Variants in MGA observed in about 807,000 individuals in gnomAD.
MGA encodes the protein MAX gene-associated protein.
In MGA, 40 loss-of-function variants were observed where a neutral mutation model predicts 261.1. The ratio of observed to expected loss-of-function variants is 0.15; its 90% CI spans 0.12 to 0.20. The LOEUF is 0.20. MGA is among the 10% of genes least tolerant of loss of function. MGA has a pLI of 1.00. For synonymous variants in MGA, 1,302 were observed against 1,290.6 expected, an observed-to-expected ratio of 1.01 and a Z score of -0.19; for missense variants, 3,397 against 3,630.5, an observed-to-expected ratio of 0.94 and a Z score of 1.65.
intron 1 of MGA, among the ~76,000 whole-genome samples, chr15:41,644,737 G>GT (rs2056901190): frequency 6.6e-6 from 1 of 152,148 alleles, no homozygotes; most frequent in African/African-American, 2.4e-5. Flanking sequence ...TAAAGTTGGA[G>GT]TATATACCAT....
chr15:41,742,447 A>G, intron 14 of MGA, 99 bp from the exon 15 acceptor site: 1 of 1,397,228 alleles, frequency 7.2e-7, no homozygotes, highest in Non-Finnish European at 9.7e-7. Flanking sequence ...CCTGTAAGAA[A>G]TTGACCCAGT....
intron 1 of MGA, among the ~76,000 whole-genome samples, chr15:41,625,260 T>C (rs2056420488): frequency 6.6e-6 from 1 of 152,108 alleles, no homozygotes; most frequent in Non-Finnish European, 1.5e-5. Flanking sequence ...GGCAGAAACA[T>C]GATAAAGTTA....
chr15:41,673,915 G>A (rs1239387202), intron 2 of MGA, among the ~76,000 whole-genome samples: 3 of 151,936 alleles, frequency 2.0e-5, no homozygotes, highest in South Asian at 2.1e-4. Flanking sequence ...GTTTTGAGAC[G>A]GAGTCTTGCT....
intron 1 of MGA, among the ~76,000 whole-genome samples, chr15:41,636,180 C>T (rs912426993): frequency 7.2e-5 from 11 of 152,040 alleles, no homozygotes; most frequent in African/African-American, 2.7e-4. Context: ...ACTCTGTCAC[C>T]CAGGCTGGAG....
intron 5 of MGA, among the ~76,000 whole-genome samples, chr15:41,706,861 A>G (rs116268152): frequency 1.1e-4 from 17 of 152,280 alleles, no homozygotes; most frequent in African/African-American, 2.4e-5. Context: ...AGTGTGAGCC[A>G]CCAGCTCCGG....
In MGA at chr15:41,736,616, C is replaced by G; in HGVS notation, c.4352C>G (p.Pro1451Arg). The G allele has an allele frequency of 1.2e-6, 2 of 1,613,948 alleles. No individual in the cohort carries two copies. The highest frequency in any genetic ancestry group is 1.7e-6 in the Non-Finnish European group (2 of 1,179,882). Residue 1451 changes from proline to arginine, a missense_variant, in exon 13 of 24, where the codon CCT becomes CGT. Pro to Arg is a moderately radical substitution (Grantham distance 103). Around this residue, in one of 9 missense-constraint regions of MGA, gnomAD observed 1,410 missense variants for 1,386.4 expected, o/e 1.02. Transcript: ENST00000219905. Reference sequence around the variant, plus strand: ...AGATTACATGGAGGCAAAGGTCTGCCTTTTTATGCAGGGCTTTCTCCTGCA... The same window carrying G: ...AGATTACATGGAGGCAAAGGTCTGCGTTTTTATGCAGGGCTTTCTCCTGCA...
Position 41,668,126 on chromosome 15 carries a change from C to CT in MGA, c.-67-689dup, listed in dbSNP as rs557928089. 4.8e-3 allele frequency among the ~76,000 whole-genome samples: 681 copies of CT among 142,032 alleles called. 2 individuals carry two copies. Among genetic ancestry groups the CT allele is most frequent in the Middle Eastern group, 0.011 (3 of 282 alleles). 93.2% of individuals were successfully genotyped at this position (142,032 alleles called of 152,430 possible). On this transcript the variant is annotated intron_variant, in intron 1 of 23. Transcript: ENST00000219905. ...GCATCATATAGTATTAAATTTATCACTTTTTTTTTTTTTGGCCTTACTGGT... is the reference window on the plus strand; with the variant it reads ...GCATCATATAGTATTAAATTTATCACTTTTTTTTTTTTTTGGCCTTACTGGT...
At position 41,707,572 on chromosome 15, in the gene MGA, A is replaced by G. The variant is rs376005042; in HGVS notation, c.2189-156A>G. On this transcript the variant is annotated intron_variant, in intron 5 of 23. Coordinates refer to ENST00000219905, the MANE Select transcript of MGA (RefSeq NM_001164273.2). ...GGGGCCACCTTAAATTGAATCTGCTACAGTTTGTTTTTTTCATTGTTTTTG... is the reference window on the plus strand; with the variant it reads ...GGGGCCACCTTAAATTGAATCTGCTGCAGTTTGTTTTTTTCATTGTTTTTG... Among the ~76,000 whole-genome samples, 70 of 152,268 alleles carry G rather than the reference A, an allele frequency of 4.6e-4. No individual in the cohort carries two copies. In the South Asian group the frequency reaches 0.011, roughly 23 times the overall value.
At chr15:41,720,889 C>T (rs2060902827) in intron 9 of MGA, among the ~76,000 whole-genome samples, 1 of 152,026 alleles carries the variant, frequency 6.6e-6, no homozygotes, top group African/African-American at 2.4e-5. Context: ...CTTGATTTGA[C>T]AGAAGTGGCG....
intron 3 of MGA, among the ~76,000 whole-genome samples, chr15:41,697,881 T>C (rs1292720961): frequency 2.0e-5 from 3 of 152,154 alleles, no homozygotes; most frequent in South Asian, 2.1e-4. Context: ...TTTTTATTTA[T>C]TTTTTGAGAT....
In MGA at chr15:41,764,326, T is replaced by C. The variant is rs2152031905; in HGVS notation, c.7745-560T>C. The stretch of plus-strand genomic sequence containing the variant: ...TAGAGTGCGGTGGCGCAATCTAGGC[T>C]CACTGCCAGCTCCGCCTCCCAGGTT... On this transcript the variant is annotated intron_variant, in intron 22 of 23. Transcript: ENST00000219905. Among the ~76,000 whole-genome samples the C allele has an allele frequency of 2.0e-5, 3 of 147,068 alleles. No homozygotes were observed. The South Asian group carries it at 6.5e-4, about 32-fold the overall frequency.
At chr15:41,659,271 C>G (rs1050683043), upstream of MGA, among the ~76,000 whole-genome samples, 2 of 152,146 alleles carry the variant, frequency 1.3e-5, no homozygotes, top group African/African-American at 4.8e-5. Context: ...ATATGACCTT[C>G]CTAAGTAAAA....
chr15:41,683,867 C>T (rs1199046241), intron 2 of MGA, among the ~76,000 whole-genome samples: 1 of 152,086 alleles, frequency 6.6e-6, no homozygotes, highest in Non-Finnish European at 1.5e-5. Flanking sequence ...AGGCGTGACC[C>T]ACCGTGCATG....
chr15:41,651,514 C>A (rs755762259), intron 1 of MGA, among the ~76,000 whole-genome samples: 1 of 150,586 alleles, frequency 6.6e-6, no homozygotes, highest in Non-Finnish European at 1.5e-5. Context: ...AGTCCCCTTT[C>A]TTTTTTTTCT....
chr15:41,754,064 G>A (rs1169782500), intron 17 of MGA, among the ~76,000 whole-genome samples: 9 of 152,068 alleles, frequency 5.9e-5, no homozygotes, highest in East Asian at 1.9e-4. Context: ...AATTATAGGC[G>A]AGCACCACCA....
At chr15:41,704,901 T>C (rs1322842058) in intron 5 of MGA, among the ~76,000 whole-genome samples, 1 of 152,136 alleles carries the variant, frequency 6.6e-6, no homozygotes, top group Non-Finnish European at 1.5e-5. Context: ...TATGAGTCTT[T>C]TTTTGTAATG....
At chr15:41,749,086 A>T in intron 16 of MGA, 25 bp from the exon 17 acceptor site, 1 of 1,586,814 alleles carries the variant, frequency 6.3e-7, no homozygotes, top group Non-Finnish European at 8.6e-7. Flanking sequence ...TGATTTAAAA[A>T]TTTCTCTCTT....
chr15:41,736,794 CT>C, intron 13 of MGA, 96 bp downstream of exon 13: 1 of 1,322,562 alleles, frequency 7.6e-7, no homozygotes, highest in Non-Finnish European at 1.0e-6. Flanking sequence ...TATCCTTTAT[CT>C]TGACATTTCC....
At chr15:41,739,381 G>GTAAT (rs1273388672) in intron 13 of MGA, among the ~76,000 whole-genome samples, 1 of 152,158 alleles carries the variant, frequency 6.6e-6, no homozygotes, top group Non-Finnish European at 1.5e-5. Flanking sequence ...AAACTGTGAG[G>GTAAT]TAATTGTGGC....
Sources: gnomAD v4.1 joint callset for allele counts (sites outside exome capture counted in the v4.1 genomes callset) on GRCh38, gnomAD v4.1.1 for gene constraint, gnomAD v4.1.1 regional missense constraint, MANE v1.5 for transcripts, NCBI Gene and HGNC (gene_info 2026-07-23, HGNC 2026-07-21) for gene names.